Variants in CGNL1 observed in about 807,000 individuals in gnomAD.
CGNL1 encodes cingulin-like protein 1.
Under a neutral mutation model 141.2 loss-of-function variants are expected in CGNL1, and 132 were observed. The ratio of observed to expected loss-of-function variants is 0.93; its 90% CI spans 0.81 to 1.08. CGNL1 has a LOEUF of 1.08. Among genes scored for constraint, CGNL1 ranks in the 50% least tolerant of loss-of-function variants. The pLI is 0.00. For missense variants in CGNL1, 1,870 were observed against 1,588.6 expected, an observed-to-expected ratio of 1.18 and a Z score of -3.01; for synonymous variants, 690 against 622.1, an observed-to-expected ratio of 1.11 and a Z score of -1.63.
chr15:57,384,749 T>C (rs2062463787), intron 1 of CGNL1, among the ~76,000 whole-genome samples: 1 of 152,186 alleles, frequency 6.6e-6, no homozygotes, highest in Non-Finnish European at 1.5e-5. Flanking sequence ...TTACTGACCT[T>C]GTATACCTGG....
In CGNL1 at chr15:57,476,220, G is replaced by A. The variant is rs2063655665; in HGVS notation, c.2403+14328G>A. Among the ~76,000 whole-genome samples, 3 of 152,238 alleles carry A rather than the reference G, an allele frequency of 2.0e-5. No homozygotes were observed. In the South Asian group the frequency reaches 6.2e-4, roughly 32 times the overall value. ...CTTTGCTCCGTGTAGGCAGGCCAGG[G>A]CGGGTTCCTAAGAGGGAGTGAGGCT... On this transcript the variant is annotated intron_variant, in intron 8 of 18. Coordinates refer to ENST00000281282, the MANE Select transcript of CGNL1 (RefSeq NM_032866.5).
chr15:57,518,602 G>C lies in CGNL1; in HGVS notation c.2715+105G>C, dbSNP rs1413154110. 1.9e-5 allele frequency: 14 copies of C among 755,344 alleles called. No homozygotes were observed. In the African/African-American group the frequency reaches 2.4e-4, roughly 13 times the overall value. 46.8% of individuals were successfully genotyped at this position (755,344 alleles called of 1,614,324 possible). The stretch of plus-strand genomic sequence containing the variant: ...GTCCTTGGCCCTCTCTTTCCATGTA[G>C]CTCCCTTTCACCCATAATAACCACT... On this transcript the variant is annotated intron_variant, in intron 10 of 18. Transcript: ENST00000281282.
At chr15:57,482,273 G>T (rs1265203381) in intron 8 of CGNL1, among the ~76,000 whole-genome samples, 1 of 152,096 alleles carries the variant, frequency 6.6e-6, no homozygotes, top group Non-Finnish European at 1.5e-5. Context: ...GTCTTTGAAA[G>T]GTACAAGTCT....
At position 57,448,438 on chromosome 15, in the gene CGNL1, C is replaced by T. The variant is rs141919953; in HGVS notation, c.1804-3062C>T. 1.4e-4 allele frequency among the ~76,000 whole-genome samples: 22 copies of T among 152,236 alleles called. No individual in the cohort carries two copies. The East Asian group carries it at 3.7e-3, about 25-fold the overall frequency. On this transcript the variant is annotated intron_variant, in intron 4 of 18. Coordinates refer to ENST00000281282, the MANE Select transcript of CGNL1 (RefSeq NM_032866.5). ...CCAAGGTGGGTGGATCACCTGAGAT[C>T]GGGAGTTCCAGATCATCCTGGTCAA...
intron 1 of CGNL1, among the ~76,000 whole-genome samples, chr15:57,381,450 A>G (rs1214589663): frequency 6.6e-6 from 1 of 152,078 alleles, no homozygotes; most frequent in Non-Finnish European, 1.5e-5. Context: ...GGTCCCAGCT[A>G]CTCTGGAGGT....
chr15:57,432,305 C>T (rs930057652), intron 1 of CGNL1, among the ~76,000 whole-genome samples: 5 of 152,056 alleles, frequency 3.3e-5, no homozygotes, highest in Admixed American at 6.5e-5. Context: ...AGTTGTGGGG[C>T]GGGGATGTGT....
At chr15:57,483,819 G>A (rs1039307612) in intron 8 of CGNL1, among the ~76,000 whole-genome samples, 1 of 152,136 alleles carries the variant, frequency 6.6e-6, no homozygotes, top group African/African-American at 2.4e-5. Flanking sequence ...CTTAAAGAAA[G>A]TTTAAATCAT....
intron 8 of CGNL1, among the ~76,000 whole-genome samples, chr15:57,475,796 C>T (rs1185923731): frequency 2.6e-5 from 4 of 151,998 alleles, no homozygotes; most frequent in Non-Finnish European, 4.4e-5. Flanking sequence ...TTTCTTCTTT[C>T]CCCCGGCTCA....
intron 1 of CGNL1, among the ~76,000 whole-genome samples, chr15:57,410,501 C>T (rs1006229514): frequency 1.3e-4 from 20 of 152,116 alleles, no homozygotes; most frequent in African/African-American, 4.8e-4. Flanking sequence ...GCTATGTCAG[C>T]AGATGGGAGA....
chr15:57,531,556 A>G lies in CGNL1; in HGVS notation c.3202-134A>G, dbSNP rs1305769449. 5 of 665,964 alleles carry G rather than the reference A, an allele frequency of 7.5e-6. No homozygotes were observed. The Admixed American group carries it at 9.9e-5, about 13-fold the overall frequency. 41.3% of individuals were successfully genotyped at this position (665,964 alleles called of 1,614,324 possible). A position where few individuals can be genotyped will look rare whatever the true frequency, so the allele number is the denominator to read the frequency against. ...CTGCTTTGGGCAATGTAAGAAATAGATATATTGTTTTTCCAAACTCTAATG... is the reference window on the plus strand; with the variant it reads ...CTGCTTTGGGCAATGTAAGAAATAGGTATATTGTTTTTCCAAACTCTAATG... On this transcript the variant is annotated intron_variant, in intron 13 of 18. Coordinates refer to ENST00000281282, the MANE Select transcript of CGNL1 (RefSeq NM_032866.5).
At chr15:57,376,987 G>C (rs1321851476) in intron 1 of CGNL1, 1 of 152,160 alleles carries the variant, frequency 6.6e-6, no homozygotes, top group Non-Finnish European at 1.5e-5. Context: ...TCCTCGGCGT[G>C]CTCGGCCGGA....
intron 1 of CGNL1, among the ~76,000 whole-genome samples, chr15:57,409,447 G>A (rs1332247211): frequency 1.3e-5 from 2 of 152,210 alleles, no homozygotes; most frequent in Non-Finnish European, 2.9e-5. Flanking sequence ...GCCATGGGGA[G>A]AACAGGTTGG....
intron 14 of CGNL1, among the ~76,000 whole-genome samples, chr15:57,540,341 G>A (rs2032497846): frequency 6.6e-6 from 1 of 152,168 alleles, no homozygotes; most frequent in Non-Finnish European, 1.5e-5. Context: ...TGAATGAGAA[G>A]CACAGTCATG....
intron 14 of CGNL1, among the ~76,000 whole-genome samples, chr15:57,535,698 T>G (rs1323511028): frequency 2.0e-5 from 3 of 152,146 alleles, no homozygotes. Flanking sequence ...ATGGCTCTAT[T>G]GTGAAGGCAG....
chr15:57,438,730 G>C lies in CGNL1; in HGVS notation c.731G>C (p.Arg244Thr). 2 of 1,614,174 alleles carry C rather than the reference G, an allele frequency of 1.2e-6. No individual in the cohort carries two copies. Among genetic ancestry groups the C allele is most frequent in the Non-Finnish European group, 1.7e-6 (2 of 1,180,046 alleles). The change falls in exon 2 of 19, where the codon AGG becomes ACG. Residue 244 changes from arginine (R) to threonine (T), a missense_variant. By Grantham distance (71) the Arg-to-Thr change is moderately conservative. Transcript: ENST00000281282. ...CVNVQSCTKE[R>T]VGEEALFTSG... Reference sequence around the variant, plus strand: ...AACGTTCAGAGCTGCACCAAGGAGAGGGTGGGAGAGGAGGCCCTTTTCACT... The same window carrying C: ...AACGTTCAGAGCTGCACCAAGGAGACGGTGGGAGAGGAGGCCCTTTTCACT...
chr15:57,418,888 G>A (rs1239450543), intron 1 of CGNL1, among the ~76,000 whole-genome samples: 1 of 151,958 alleles, frequency 6.6e-6, no homozygotes, highest in Non-Finnish European at 1.5e-5. Flanking sequence ...ATGCAGCCCT[G>A]GAGTGACCAC....
Position 57,438,051 on chromosome 15 carries a change from C to T in CGNL1, c.52C>T (p.His18Tyr), listed in dbSNP as rs777659946. 1 of 1,613,912 alleles carries T rather than the reference C, an allele frequency of 6.2e-7. No individual in the cohort carries two copies. Among genetic ancestry groups the T allele is most frequent in the Non-Finnish European group, 8.5e-7 (1 of 1,179,978 alleles). The stretch of plus-strand genomic sequence containing the variant: ...ACATGTGCAGCAGGAATATGGGGTC[C>T]ATCTGAGACTCGCAAGTGATGATAC... ...YQHVQQEYGV[H>Y]LRLASDDTQK... The change falls in exon 2 of 19, where the codon CAT becomes TAT. Residue 18 changes from histidine (H) to tyrosine (Y), a missense_variant. Transcript: ENST00000281282.
At chr15:57,517,570 T>C (rs915781682) in intron 9 of CGNL1, among the ~76,000 whole-genome samples, 2 of 152,170 alleles carry the variant, frequency 1.3e-5, no homozygotes, top group Admixed American at 6.5e-5. Context: ...AAAATAGAAA[T>C]GTATTTCTCA....
chr15:57,455,545 A>G lies in CGNL1; in HGVS notation c.2190+1727A>G, dbSNP rs1567129581. On this transcript the variant is annotated intron_variant, in intron 7 of 18. Coordinates refer to ENST00000281282, the MANE Select transcript of CGNL1 (RefSeq NM_032866.5). The stretch of plus-strand genomic sequence containing the variant: ...TCACTTGACGTTGCACATATTTTGT[A>G]TCTTTCTTCTGCTAGCCAGCTAATT... Among the ~76,000 whole-genome samples the G allele has an allele frequency of 1.3e-5, 2 of 152,312 alleles. 1 individual carries two copies. Among genetic ancestry groups the G allele is most frequent in the South Asian group, 4.1e-4 (2 of 4,826 alleles).
Sources: gnomAD v4.1 joint callset for allele counts (sites outside exome capture counted in the v4.1 genomes callset) on GRCh38, gnomAD v4.1.1 for gene constraint, MANE v1.5 for transcripts, NCBI Gene and HGNC (gene_info 2026-07-23, HGNC 2026-07-21) for gene names.